Variants in PATL2 observed in about 807,000 individuals in gnomAD.
PATL2 encodes the protein PAT1 homolog 2.
In PATL2, 73 loss-of-function variants were observed where a neutral mutation model predicts 77.0. That is an observed-to-expected ratio of 0.95 (90% confidence interval 0.78 to 1.15). The LOEUF is 1.15. Ranked by LOEUF, PATL2 falls within the 50% of genes most tolerant of loss-of-function variation. The probability of loss-of-function intolerance (pLI) is 0.00; values close to 1 mark genes in which losing one functional copy is unlikely to be tolerated. For synonymous variants in PATL2, 265 were observed against 257.1 expected, an observed-to-expected ratio of 1.03 and a Z score of -0.29; for missense variants, 618 against 655.4, an observed-to-expected ratio of 0.94 and a Z score of 0.62.
chr15:44,667,318 C>G lies in PATL2; in HGVS notation c.1366-115G>C, dbSNP rs1386079182. On this transcript the variant is annotated intron_variant, in intron 15 of 17. Transcript: ENST00000682850. ...CAGGTTCACATTTAGAGATAGAGCT[C>G]AAAATATCCACAAGTGCTGTCAGGT... 5 of 746,296 alleles carry G rather than the reference C, an allele frequency of 6.7e-6. No homozygotes were observed. The Admixed American group carries it at 7.1e-5, about 11-fold the overall frequency. The allele number at this position is 746,296 out of a possible 1,614,324, so 46.2% of individuals were successfully genotyped here.
intron 3 of PATL2, among the ~76,000 whole-genome samples, chr15:44,679,132 A>G (rs140242502): frequency 1.6e-3 from 243 of 152,036 alleles, no homozygotes; most frequent in African/African-American, 5.6e-3. Flanking sequence ...GCACGATCTC[A>G]ACTCACTGCA....
intron 9 of PATL2, among the ~76,000 whole-genome samples, 172 bp from the exon 10 acceptor site, chr15:44,670,259 C>T (rs149976379): frequency 4.1e-4 from 63 of 152,280 alleles, no homozygotes; most frequent in African/African-American, 1.3e-3. Context: ...AGTGCAGTGG[C>T]GCAATCTCTG....
At chr15:44,709,945 A>G (rs1030485682) in intron 3 of PATL2, among the ~76,000 whole-genome samples, 151 bp downstream of exon 3, 6 of 152,208 alleles carry the variant, frequency 3.9e-5, no homozygotes, top group African/African-American at 1.4e-4. Context: ...AGTTTTTAAA[A>G]GGGGGAAAAG....
intron 16 of PATL2, 85 bp from the exon 17 acceptor site, chr15:44,666,626 A>G: frequency 1.5e-6 from 2 of 1,354,240 alleles, no homozygotes; most frequent in Non-Finnish European, 2.0e-6. Flanking sequence ...TCTTTCCGTT[A>G]CTACTACCAT....
intron 14 of PATL2, 150 bp downstream of exon 14, chr15:44,668,830 A>G: frequency 1.0e-6 from 1 of 968,410 alleles, no homozygotes; most frequent in Non-Finnish European, 1.5e-6. Context: ...ATAGTTCTGT[A>G]ACTTCCTTGC....
At chr15:44,674,890 A>C (rs914921642) in intron 5 of PATL2, 2 of 152,226 alleles carry the variant, frequency 1.3e-5, no homozygotes, top group African/African-American at 4.8e-5. Flanking sequence ...AGAATTAGAC[A>C]CAATAAGAAA....
At chr15:44,678,130 G>A (rs2086034558) in intron 3 of PATL2, among the ~76,000 whole-genome samples, 2 of 152,178 alleles carry the variant, frequency 1.3e-5, no homozygotes, top group Non-Finnish European at 2.9e-5. Context: ...GGGATTACAA[G>A]CACAAGCCAC....
intron 3 of PATL2, among the ~76,000 whole-genome samples, chr15:44,705,381 G>A (rs892689851): frequency 6.6e-6 from 1 of 151,914 alleles, no homozygotes; most frequent in East Asian, 1.9e-4. Context: ...GGGGTTTCAC[G>A]ATGTTGGCGA....
chr15:44,706,675 A>G (rs2086742677), intron 3 of PATL2, among the ~76,000 whole-genome samples: 1 of 152,182 alleles, frequency 6.6e-6, no homozygotes, highest in Admixed American at 6.5e-5. Flanking sequence ...CCCTGTGACC[A>G]CCACTGGGAC....
chr15:44,669,183 G>C, intron 13 of PATL2, 44 bp from the exon 14 acceptor site: 1 of 1,522,204 alleles, frequency 6.6e-7, no homozygotes, highest in Non-Finnish European at 8.9e-7. Context: ...CTGCATAGAG[G>C]AGAGGGCTAC....
chr15:44,665,743 T>C lies in PATL2; in HGVS notation c.*210A>G. The stretch of plus-strand genomic sequence containing the variant: ...CAAGTTCCAACACATCATTCTATTA[T>C]CTCTTTAATTATACCTTATTATGCC... On this transcript the variant is annotated 3_prime_UTR_variant, in exon 18 of 18. Coordinates refer to ENST00000682850, the MANE Select transcript of PATL2 (RefSeq NM_001387263.1). The C allele has an allele frequency of 2.2e-6, 3 of 1,383,642 alleles. No individual in the cohort carries two copies. Among genetic ancestry groups the C allele is most frequent in the Non-Finnish European group, 2.9e-6 (3 of 1,047,806 alleles). 85.7% of individuals were successfully genotyped at this position (1,383,642 alleles called of 1,614,324 possible).
intron 3 of PATL2, among the ~76,000 whole-genome samples, chr15:44,706,500 C>G (rs1376435395): frequency 6.6e-6 from 1 of 152,212 alleles, no homozygotes; most frequent in Admixed American, 6.5e-5. Flanking sequence ...CAACTTAACA[C>G]TGATTACTCA....
intron 17 of PATL2, 123 bp from the exon 18 acceptor site, chr15:44,666,094 GC>G (rs1238624208): frequency 6.3e-6 from 6 of 946,280 alleles, no homozygotes; most frequent in Non-Finnish European, 6.3e-6. Flanking sequence ...TGTTATTCAT[GC>G]TTATATCCTA....
At chr15:44,709,621 T>C (rs555588808) in intron 3 of PATL2, among the ~76,000 whole-genome samples, 2 of 152,324 alleles carry the variant, frequency 1.3e-5, no homozygotes, top group South Asian at 4.1e-4. Flanking sequence ...CAAATAGTTG[T>C]ATACATAATT....
chr15:44,686,433 C>G (rs975247286), intron 3 of PATL2, among the ~76,000 whole-genome samples: 9 of 152,134 alleles, frequency 5.9e-5, no homozygotes, highest in African/African-American at 2.2e-4. Flanking sequence ...AGTTATAGAA[C>G]TAAATGCCCA....
chr15:44,710,370 G>T (rs2086830909), intron 2 of PATL2, among the ~76,000 whole-genome samples, 156 bp from the exon 3 acceptor site: 1 of 152,154 alleles, frequency 6.6e-6, no homozygotes, highest in Non-Finnish European at 1.5e-5. Flanking sequence ...TCTTAGAAAA[G>T]ATCTGTGGAC....
intron 3 of PATL2, among the ~76,000 whole-genome samples, chr15:44,677,418 T>A (rs1325004891): frequency 6.6e-6 from 1 of 152,210 alleles, no homozygotes; most frequent in Non-Finnish European, 1.5e-5. Flanking sequence ...CAGATCTTCA[T>A]GGTAAAAACA....
rs2085924674 is a variant in PATL2, at chr15:44,675,773, C to T, written c.17-82G>A. ...GTCTAGAGAGGCTGCTACTCAATAGCACTTCTGTTCATAAGCCATCTCCAG... is the reference window on the plus strand; with the variant it reads ...GTCTAGAGAGGCTGCTACTCAATAGTACTTCTGTTCATAAGCCATCTCCAG... On this transcript the variant is annotated intron_variant, in intron 4 of 17. Coordinates refer to ENST00000682850, the MANE Select transcript of PATL2 (RefSeq NM_001387263.1). 4.2e-6 allele frequency: 5 copies of T among 1,198,466 alleles called. No individual in the cohort carries two copies. The East Asian group carries it at 7.7e-5, about 18-fold the overall frequency. The allele number at this position is 1,198,466 out of a possible 1,614,324, so 74.2% of individuals were successfully genotyped here.
intron 3 of PATL2, among the ~76,000 whole-genome samples, chr15:44,692,042 C>G (rs1566865790): frequency 1.3e-5 from 2 of 152,080 alleles, no homozygotes; most frequent in African/African-American, 2.4e-5. Flanking sequence ...CAATGAAATA[C>G]TGTGAACACA....
Sources: allele counts gnomAD v4.1 joint callset (sites outside exome capture counted in the v4.1 genomes callset), GRCh38; gene constraint gnomAD v4.1.1; transcripts MANE v1.5; gene names NCBI Gene and HGNC (gene_info 2026-07-23, HGNC 2026-07-21).